SLC24A2: variants seen among roughly 807,000 people sequenced by gnomAD.
SLC24A2 encodes solute carrier family 24 member 2.
In SLC24A2, 36 loss-of-function variants were observed where a neutral mutation model predicts 62.0. That is an observed-to-expected ratio of 0.58 (90% confidence interval 0.44 to 0.77). The LOEUF is 0.77. SLC24A2 is among the 30% of genes least tolerant of loss of function. The probability of loss-of-function intolerance (pLI) is 0.00; values close to 1 mark genes in which losing one functional copy is unlikely to be tolerated. For synonymous variants in SLC24A2, 358 were observed against 294.0 expected (o/e 1.22, Z -2.23); for missense variants, 846 against 817.9 (o/e 1.03, Z -0.42).
chr9:20,065,175 T>G, the SLC24A2 span, among the ~76,000 whole-genome samples: 4,994 of 152,270 alleles, frequency 0.033, 107 homozygotes, highest in South Asian at 0.079. Flanking sequence ...AAGGACAGAT[T>G]GGGCAGGGGT....
At chr9:20,261,471 C>T in the SLC24A2 span, among the ~76,000 whole-genome samples, 1 of 152,068 alleles carries the variant, frequency 6.6e-6, no homozygotes, top group Non-Finnish European at 1.5e-5. Flanking sequence ...ACAGCCCACT[C>T]TCTCCAAAAC....
the SLC24A2 span, among the ~76,000 whole-genome samples, chr9:19,867,951 GTTTTAAAA>G: frequency 6.6e-6 from 1 of 151,988 alleles, no homozygotes; most frequent in South Asian, 2.1e-4. Context: ...TTTTGGTTTT[GTTTTAAAA>G]TTGTGTTTTG....
At chr9:20,065,950 C>G in the SLC24A2 span, among the ~76,000 whole-genome samples, 2 of 152,284 alleles carry the variant, frequency 1.3e-5, no homozygotes, top group Middle Eastern at 6.8e-3. Flanking sequence ...CACCACTGTG[C>G]CCTTGAAGCT....
chr9:19,807,003 A>T, the SLC24A2 span, among the ~76,000 whole-genome samples: 1 of 152,214 alleles, frequency 6.6e-6, no homozygotes, highest in Non-Finnish European at 1.5e-5. Context: ...CATTTCTGTA[A>T]TCACAAAATC....
At chr9:19,762,431 T>C (rs1201016252) in intron 2 of SLC24A2, among the ~76,000 whole-genome samples, 2 of 152,246 alleles carry the variant, frequency 1.3e-5, no homozygotes, top group Non-Finnish European at 2.9e-5. Context: ...CTAGGGTTTT[T>C]ATGGTTTTAG....
chr9:20,196,914 G>T, the SLC24A2 span, among the ~76,000 whole-genome samples: 1 of 152,128 alleles, frequency 6.6e-6, no homozygotes, highest in Non-Finnish European at 1.5e-5. Context: ...GTATAAAGTA[G>T]AAATCATGCT....
chr9:19,545,534 C>G (rs116901875), intron 8 of SLC24A2, among the ~76,000 whole-genome samples: 1 of 152,002 alleles, frequency 6.6e-6, no homozygotes, highest in African/African-American at 2.4e-5. Context: ...AGCCTTTTTG[C>G]GCGGGTTTCT....
intron 2 of SLC24A2, among the ~76,000 whole-genome samples, chr9:19,687,028 A>AGTT (rs1819902838): frequency 6.6e-6 from 1 of 152,152 alleles, no homozygotes; most frequent in Admixed American, 6.6e-5. Flanking sequence ...GAACACGGGA[A>AGTT]CAGAAAACCA....
Position 19,508,356 on chromosome 9 carries a change from T to G in SLC24A2, c.*7797A>C, listed in dbSNP as rs1201756053. Reference sequence around the variant, plus strand: ...GCCCTTGGTTCAGATACCCTTTCTTTAGGGCAATTTGGCCACTTAAGCATA... The same window carrying G: ...GCCCTTGGTTCAGATACCCTTTCTTGAGGGCAATTTGGCCACTTAAGCATA... On this transcript the variant is annotated 3_prime_UTR_variant, in exon 11 of 11. Coordinates refer to ENST00000341998, the MANE Select transcript of SLC24A2 (RefSeq NM_020344.4). 2 of 152,168 alleles carry G rather than the reference T, an allele frequency of 1.3e-5. No homozygotes were observed. Among genetic ancestry groups the G allele is most frequent in the African/African-American group, 2.4e-5 (1 of 41,444 alleles). The allele number at this position is 152,168 out of a possible 1,614,324, so 9.4% of individuals were successfully genotyped here.
chr9:19,941,568 T>TGC, the SLC24A2 span, among the ~76,000 whole-genome samples: 1 of 98,060 alleles, frequency 1.0e-5, no homozygotes, highest in Non-Finnish European at 2.3e-5. Context: ...TGTGTGTGTG[T>TGC]GTGTGTGTGT....
chr9:19,656,297 T>C (rs1356831097), intron 2 of SLC24A2, among the ~76,000 whole-genome samples: 1 of 152,162 alleles, frequency 6.6e-6, no homozygotes, highest in Non-Finnish European at 1.5e-5. Context: ...ACCTGGGAAA[T>C]GTGGAGTGCT....
chr9:20,086,925 C>T, the SLC24A2 span, among the ~76,000 whole-genome samples: 1 of 152,152 alleles, frequency 6.6e-6, no homozygotes, highest in Non-Finnish European at 1.5e-5. Flanking sequence ...GACACACAGG[C>T]CCCTACACAT....
At chr9:20,277,723 C>A in the SLC24A2 span, among the ~76,000 whole-genome samples, 1 of 152,144 alleles carries the variant, frequency 6.6e-6, no homozygotes, top group African/African-American at 2.4e-5. Context: ...TTGACCCAGC[C>A]ATCCCATTAC....
chr9:20,157,344 A>G, the SLC24A2 span, among the ~76,000 whole-genome samples: 8 of 151,798 alleles, frequency 5.3e-5, no homozygotes, highest in African/African-American at 1.7e-4. Context: ...AAATAACACT[A>G]ATTTTAAAAT....
the SLC24A2 span, among the ~76,000 whole-genome samples, chr9:19,985,675 C>T: frequency 2.0e-5 from 3 of 152,036 alleles, no homozygotes; most frequent in Non-Finnish European, 4.4e-5. Context: ...GATTGTTATG[C>T]ATTTGTCAAA....
the SLC24A2 span, among the ~76,000 whole-genome samples, chr9:20,075,874 T>C: frequency 1.3e-5 from 2 of 152,192 alleles, no homozygotes; most frequent in Non-Finnish European, 2.9e-5. Context: ...AGGACCTCTC[T>C]CAAATACCAA....
chr9:20,235,273 T>C, the SLC24A2 span, among the ~76,000 whole-genome samples: 1 of 152,216 alleles, frequency 6.6e-6, no homozygotes, highest in Non-Finnish European at 1.5e-5. Context: ...GACATTTAAG[T>C]CTGCAGAGGT....
the SLC24A2 span, among the ~76,000 whole-genome samples, chr9:20,291,543 G>T: frequency 6.6e-6 from 1 of 152,134 alleles, no homozygotes; most frequent in Non-Finnish European, 1.5e-5. Flanking sequence ...TATAAATGGA[G>T]AATGAGGCTC....
At chr9:20,097,143 T>C in the SLC24A2 span, among the ~76,000 whole-genome samples, 43 of 152,320 alleles carry the variant, frequency 2.8e-4, no homozygotes, top group African/African-American at 8.9e-4. Context: ...ATTACAGCTA[T>C]GAGAATTAGC....
Sources: gnomAD v4.1 joint callset for allele counts (sites outside exome capture counted in the v4.1 genomes callset) on GRCh38, gnomAD v4.1.1 for gene constraint, MANE v1.5 for transcripts, NCBI Gene and HGNC (gene_info 2026-07-23, HGNC 2026-07-21) for gene names.